The following SAC3D1 variants were observed in gnomAD, a reference collection of about 807,000 sequenced individuals.
SAC3D1 encodes SAC3 domain containing 1, also known as SAC3 domain-containing protein 1.
In SAC3D1, 10 loss-of-function variants were observed where a neutral mutation model predicts 12.7. The observed-to-expected ratio is 0.79, with a 90% confidence interval of 0.49 to 1.34. The LOEUF (loss-of-function observed/expected upper bound fraction) is 1.34. SAC3D1 is among the 40% of genes most tolerant of loss of function. The pLI is 0.00. For synonymous variants in SAC3D1, 241 were observed against 250.8 expected (o/e 0.96, Z 0.37); for missense variants, 482 against 531.1 (o/e 0.91, Z 0.91).
At chr11:65,043,307 A>G (rs1338206118) in intron 1 of SAC3D1, 13 of 207,414 alleles carry the variant, frequency 6.3e-5, no homozygotes, top group Non-Finnish European at 1.2e-4. Flanking sequence ...TTATTTTTAT[A>G]TAGGGATTGG....
rs768999392 is a variant in SAC3D1, at chr11:65,041,382, C to T, written c.90C>T (p.His30=). The change falls in exon 1 of 2, where the codon CAC becomes CAT. Residue 30 remains histidine (H), a synonymous_variant. Transcript: ENST00000652489. ...RAQREREHRL[H]RLEVVPGCRQ... is the part of the protein sequence containing the mutation. ...AGCGCGAAAGGGAGCACCGCCTGCA[C>T]CGCTTGGAGGTGGTGCCGGGTTGCC... 9.9e-6 allele frequency: 15 copies of T among 1,511,128 alleles called. No homozygotes were observed. The South Asian group carries it at 1.2e-4, about 12-fold the overall frequency. 93.6% of individuals were successfully genotyped at this position (1,511,128 alleles called of 1,614,324 possible). A position where few individuals can be genotyped will look rare whatever the true frequency, so the allele number is the denominator to read the frequency against.
rs369250577 is a variant in SAC3D1, at chr11:65,041,569, G to T, written c.277G>T (p.Ala93Ser). 77 of 1,478,974 alleles carry T rather than the reference G, an allele frequency of 5.2e-5. No homozygotes were observed. The East Asian group carries it at 5.5e-4, about 11-fold the overall frequency. 91.6% of individuals were successfully genotyped at this position (1,478,974 alleles called of 1,614,324 possible). A position where few individuals can be genotyped will look rare whatever the true frequency, so the allele number is the denominator to read the frequency against. ...TGAGGTGGCGGAGAGCGCCGACATC[G>T]CCCGCGCCGAGGTGGCCAGCTTCGT... ...AGEVAESADIARAEVASFVAD... is the reference protein window; with the variant it reads ...AGEVAESADISRAEVASFVAD... Residue 93 changes from alanine (A) to serine (S), a missense_variant, in exon 1 of 2, where the codon GCC (alanine) becomes TCC (serine). Physicochemically the swap from Ala to Ser is moderately conservative, Grantham distance 99 (BLOSUM62 1). This residue lies in a region of SAC3D1 where 197 missense variants were observed against 183.2 expected (regional missense o/e 1.08). Coordinates refer to ENST00000652489, the MANE Select transcript of SAC3D1 (RefSeq NM_013299.4).
chr11:65,042,762 G>A (rs945193083), intron 1 of SAC3D1, among the ~76,000 whole-genome samples: 5 of 151,712 alleles, frequency 3.3e-5, no homozygotes, highest in South Asian at 2.1e-4. Flanking sequence ...TGCTGGTCTC[G>A]AACTCCTGAC....
intron 1 of SAC3D1, chr11:65,043,037 G>A (rs1301011170): frequency 9.0e-6 from 4 of 446,650 alleles, no homozygotes; most frequent in Non-Finnish European, 1.3e-5. Flanking sequence ...ATGGGATCTC[G>A]CATGTTGCCA....
rs1414125640 is a variant in SAC3D1 at position 65,041,215 on chromosome 11, C to T, written c.-78C>T. 8.5e-6 allele frequency: 11 copies of T among 1,297,914 alleles called. No individual in the cohort carries two copies. Among genetic ancestry groups the T allele is most frequent in the African/African-American group, 4.8e-5 (3 of 63,046 alleles). The allele number at this position is 1,297,914 out of a possible 1,614,324, so 80.4% of individuals were successfully genotyped here. ...CCCCGACCCGCCGCTCCCCACCCCCCGGCCGGCCTCGCGTGCCTTCCCGCA... is the reference window on the plus strand; with the variant it reads ...CCCCGACCCGCCGCTCCCCACCCCCTGGCCGGCCTCGCGTGCCTTCCCGCA... On this transcript the variant is annotated 5_prime_UTR_variant, in exon 1 of 2. Coordinates refer to ENST00000652489, the MANE Select transcript of SAC3D1 (RefSeq NM_013299.4).
At chr11:65,041,038 C>A, upstream of SAC3D1, 1 of 549,064 alleles carries the variant, frequency 1.8e-6, no homozygotes, top group Non-Finnish European at 3.2e-6. Context: ...CCCTAGAGCG[C>A]GCGGAGCCGC....
rs1799020632 is a variant in SAC3D1 at position 65,044,120 on chromosome 11, G to A, written c.575-105G>A. ...AGAGGGAAGTTGGGCTAGGCCTAGA[G>A]AAGGGGCGTGGTCGAGGAGAGAGGA... On this transcript the variant is annotated intron_variant, in intron 1 of 1. Coordinates refer to ENST00000652489, the MANE Select transcript of SAC3D1 (RefSeq NM_013299.4). This position sits in a 1 kb window ranked among gnomAD's most constrained non-coding sequence, Gnocchi z 4.0. 2.9e-6 allele frequency: 4 copies of A among 1,373,232 alleles called. No individual in the cohort carries two copies. In the East Asian group the frequency reaches 9.2e-5, roughly 32 times the overall value. 85.1% of individuals were successfully genotyped at this position (1,373,232 alleles called of 1,614,324 possible). A position where few individuals can be genotyped will look rare whatever the true frequency, so the allele number is the denominator to read the frequency against.
intron 1 of SAC3D1, chr11:65,043,080 C>A: frequency 2.2e-6 from 1 of 446,546 alleles, no homozygotes; most frequent in Non-Finnish European, 4.5e-6. Context: ...ATCCTCCTGC[C>A]CCACCCTCCC....
chr11:65,041,999 A>T (rs1321051625), intron 1 of SAC3D1, 133 bp downstream of exon 1: 8 of 1,187,206 alleles, frequency 6.7e-6, no homozygotes, highest in Non-Finnish European at 7.4e-6. Context: ...AGATCCACCG[A>T]GCCCCGACGT....
intron 1 of SAC3D1, among the ~76,000 whole-genome samples, chr11:65,042,385 G>A (rs1286431427): frequency 2.0e-5 from 3 of 151,278 alleles, no homozygotes; most frequent in South Asian, 2.1e-4. Flanking sequence ...GTGAGCCACC[G>A]CGCCCGGCTG....
At chr11:65,043,794 C>T (rs1337266854) in intron 1 of SAC3D1, among the ~76,000 whole-genome samples, 2 of 152,074 alleles carry the variant, frequency 1.3e-5, no homozygotes, top group African/African-American at 4.8e-5. Flanking sequence ...AAGGAAGGGG[C>T]CTTCCCAGGT....
Position 65,041,873 on chromosome 11 carries a change from C to A in SAC3D1, c.574+7C>A. On this transcript the variant is annotated splice_region_variant and intron_variant, in intron 1 of 1. Coordinates refer to ENST00000652489, the MANE Select transcript of SAC3D1 (RefSeq NM_013299.4). ...TTTCTGCTCTATAACCTGGGTGAGT[C>A]GGGATCCTGGCGGCTGGGCAGAGCG... 1 of 1,432,322 alleles carries A rather than the reference C, an allele frequency of 7.0e-7. No homozygotes were observed. The highest frequency in any genetic ancestry group is 9.1e-7 in the Non-Finnish European group (1 of 1,100,840). The allele number at this position is 1,432,322 out of a possible 1,614,324, so 88.7% of individuals were successfully genotyped here. A position where few individuals can be genotyped will look rare whatever the true frequency, so the allele number is the denominator to read the frequency against.
intron 1 of SAC3D1, 21 bp downstream of exon 1, chr11:65,041,887 C>A: frequency 7.1e-7 from 1 of 1,413,280 alleles, no homozygotes. Flanking sequence ...ATCCTGGCGG[C>A]TGGGCAGAGC....
At position 65,044,071 on chromosome 11, in the gene SAC3D1, G is replaced by A. The variant is rs1946663196; in HGVS notation, c.575-154G>A. Among the ~76,000 whole-genome samples the A allele has an allele frequency of 6.6e-6, 1 of 152,214 alleles. No homozygotes were observed. Among genetic ancestry groups the A allele is most frequent in the South Asian group, 2.1e-4 (1 of 4,836 alleles). On this transcript the variant is annotated intron_variant, in intron 1 of 1. Coordinates refer to ENST00000652489, the MANE Select transcript of SAC3D1 (RefSeq NM_013299.4). The surrounding 1 kb of genome is among the most constrained non-coding windows in gnomAD (Gnocchi z 4.0). ...CATTCAAATATAGGTTGGGGAAGGAGCCAAAGGCTGGCCCTTAGAGGGGAG... is the reference window on the plus strand; with the variant it reads ...CATTCAAATATAGGTTGGGGAAGGAACCAAAGGCTGGCCCTTAGAGGGGAG...
intron 1 of SAC3D1, 103 bp downstream of exon 1, chr11:65,041,969 C>T (rs3862374): frequency 0.59 from 743,815 of 1,257,216 alleles, 230,150 homozygotes; most frequent in Middle Eastern, 0.66. Context: ...TCACCATTAG[C>T]CCCCTCCCAG....
At position 65,044,291 on chromosome 11, in the gene SAC3D1, G is replaced by GC; in HGVS notation, c.642dup (p.Lys215GlnfsTer52). 6.2e-7 allele frequency: 1 copy of GC among 1,613,302 alleles called. No individual in the cohort carries two copies. Among genetic ancestry groups the GC allele is most frequent in the Non-Finnish European group, 8.5e-7 (1 of 1,180,016 alleles). On this transcript the variant is annotated frameshift_variant, in exon 2 of 2. Coordinates refer to ENST00000652489, the MANE Select transcript of SAC3D1 (RefSeq NM_013299.4). LOFTEE classifies it low-confidence loss of function (END_TRUNC). This position sits in a 1 kb window ranked among gnomAD's most constrained non-coding sequence, Gnocchi z 4.0. Reference sequence around the variant, plus strand: ...GCCCTGCGCGCCTGCCCGCCCCTCCGCAAGGCCTTGGCGGTAGATGCTGCC... The same window carrying GC: ...GCCCTGCGCGCCTGCCCGCCCCTCCGCCAAGGCCTTGGCGGTAGATGCTGCC...
At chr11:65,040,948 GA>G (rs1237836016), upstream of SAC3D1, 1 of 362,942 alleles carries the variant, frequency 2.8e-6, no homozygotes, top group Non-Finnish European at 5.1e-6. Context: ...TGTATCATGG[GA>G]GCGGCCCGGG....
chr11:65,041,243 A>G lies in SAC3D1; in HGVS notation c.-50A>G. 20 of 1,470,986 alleles carry G rather than the reference A, an allele frequency of 1.4e-5. No homozygotes were observed. The highest frequency in any genetic ancestry group is 1.8e-5 in the Non-Finnish European group (20 of 1,116,788). The allele number at this position is 1,470,986 out of a possible 1,614,324, so 91.1% of individuals were successfully genotyped here. A position where few individuals can be genotyped will look rare whatever the true frequency, so the allele number is the denominator to read the frequency against. ...CCGGCCTCGCGTGCCTTCCCGCAGC[A>G]CTGCCGTCCCCGGGATGCTGAGCGC... On this transcript the variant is annotated 5_prime_UTR_variant, in exon 1 of 2. Coordinates refer to ENST00000652489, the MANE Select transcript of SAC3D1 (RefSeq NM_013299.4).
upstream of SAC3D1, chr11:65,041,006 G>C (rs548796608): frequency 6.0e-6 from 3 of 501,252 alleles, no homozygotes; most frequent in Admixed American, 8.9e-5. Context: ...TGAACTTGGC[G>C]CTCGATGGGG....
Sources: allele counts gnomAD v4.1 joint callset (sites outside exome capture counted in the v4.1 genomes callset), GRCh38; gene constraint gnomAD v4.1.1; regional missense constraint gnomAD v4.1.1; non-coding constraint Gnocchi (gnomAD v3.1); transcripts MANE v1.5; gene names NCBI Gene and HGNC (gene_info 2026-07-23, HGNC 2026-07-21).